The following PDE8A variants were observed in gnomAD, a reference collection of about 807,000 sequenced individuals.
PDE8A encodes the protein phosphodiesterase 8A, also known as high affinity cAMP-specific and IBMX-insensitive 3',5'-cyclic phosphodiesterase 8A.
A neutral mutation model predicts 105.0 loss-of-function variants in PDE8A; 59 were observed. The ratio of observed to expected loss-of-function variants is 0.56; its 90% confidence interval spans 0.46 to 0.70. The LOEUF (loss-of-function observed/expected upper bound fraction) is 0.70, where lower values mean the gene tolerates loss of function less well. PDE8A is among the 30% of genes least tolerant of loss of function. The pLI is 0.00. For synonymous variants in PDE8A, 355 were observed against 371.9 expected, an observed-to-expected ratio of 0.95 and a Z score of 0.52; for missense variants, 1,014 against 1,045.9, an observed-to-expected ratio of 0.97 and a Z score of 0.42.
At chr15:85,005,621 A>T (rs1311123142) in intron 1 of PDE8A, among the ~76,000 whole-genome samples, 6 of 152,158 alleles carry the variant, frequency 3.9e-5, no homozygotes, top group Non-Finnish European at 7.4e-5. Context: ...ATTGCTTAAG[A>T]AGCTAATTTG....
intron 1 of PDE8A, among the ~76,000 whole-genome samples, chr15:85,007,860 G>C (rs1024949408): frequency 6.6e-6 from 1 of 152,058 alleles, no homozygotes; most frequent in Non-Finnish European, 1.5e-5. Flanking sequence ...GAGAGCTCTT[G>C]GACATTCTGC....
intron 5 of PDE8A, among the ~76,000 whole-genome samples, chr15:85,082,679 T>C (rs1367514263): frequency 1.3e-5 from 2 of 152,240 alleles, no homozygotes; most frequent in Admixed American, 6.5e-5. Context: ...GCTCTGCCTC[T>C]TAGGCATCAG....
chr15:84,987,597 G>C (rs568303413), intron 1 of PDE8A, among the ~76,000 whole-genome samples: 98 of 150,596 alleles, frequency 6.5e-4, no homozygotes, highest in Non-Finnish European at 1.2e-3. Flanking sequence ...TTAGCCTCCC[G>C]AGTAGCTGGG....
intron 12 of PDE8A, among the ~76,000 whole-genome samples, chr15:85,112,270 G>T (rs1447989995): frequency 6.6e-6 from 1 of 152,052 alleles, no homozygotes; most frequent in African/African-American, 2.4e-5. Flanking sequence ...TAATTAACGT[G>T]TATTACCTCA....
At chr15:85,116,604 G>A (rs974865460) in intron 16 of PDE8A, among the ~76,000 whole-genome samples, 7 of 152,210 alleles carry the variant, frequency 4.6e-5, no homozygotes, top group Middle Eastern at 6.3e-3. Flanking sequence ...TTTGCCTTGA[G>A]TTTTTTCCCT....
intron 8 of PDE8A, among the ~76,000 whole-genome samples, chr15:85,097,443 T>C (rs1301432097): frequency 6.6e-6 from 1 of 152,172 alleles, no homozygotes; most frequent in Non-Finnish European, 1.5e-5. Flanking sequence ...GTCCTGGCTG[T>C]TATCTCATCC....
intron 1 of PDE8A, among the ~76,000 whole-genome samples, chr15:85,010,652 G>A (rs1158226102): frequency 6.6e-6 from 1 of 152,114 alleles, no homozygotes; most frequent in African/African-American, 2.4e-5. Context: ...ACACTCATTG[G>A]TATTTGTCAA....
chr15:85,113,920 G>A lies in PDE8A; in HGVS notation c.1233G>A (p.Val411=). ...NAAQESSPMP[V]TEALDRVLEI... is the part of the protein sequence containing the mutation. ...CCCAGGAAAGTAGTCCCATGCCTGT[G>A]ACAGAAGCCCTAGACCGTGTGCTGG... is the stretch of plus-strand genomic sequence containing the variant. Residue 411 remains valine (V), a synonymous_variant, in exon 14 of 22, where the codon GTG becomes GTA. Transcript: ENST00000394553. 6.2e-7 allele frequency: 1 copy of A among 1,613,636 alleles called. No homozygotes were observed. The highest frequency in any genetic ancestry group is 8.5e-7 in the Non-Finnish European group (1 of 1,179,520).
At chr15:85,108,525 A>G (rs1272333935) in intron 11 of PDE8A, among the ~76,000 whole-genome samples, 1 of 152,110 alleles carries the variant, frequency 6.6e-6, no homozygotes, top group Non-Finnish European at 1.5e-5. Flanking sequence ...AGCCTAGGAG[A>G]GTAGTGTGTC....
At chr15:85,022,039 C>G (rs191167906) in intron 1 of PDE8A, among the ~76,000 whole-genome samples, 3 of 152,268 alleles carry the variant, frequency 2.0e-5, no homozygotes, top group Admixed American at 6.5e-5. Flanking sequence ...AGACTATATA[C>G]AAATTCTCTT....
chr15:85,102,336 T>A (rs2081876563), intron 11 of PDE8A, among the ~76,000 whole-genome samples: 1 of 152,036 alleles, frequency 6.6e-6, no homozygotes, highest in Non-Finnish European at 1.5e-5. Context: ...CAGAGATGGA[T>A]AAAAACTTGT....
At chr15:84,989,666 T>C (rs2079855645) in intron 1 of PDE8A, among the ~76,000 whole-genome samples, 1 of 152,256 alleles carries the variant, frequency 6.6e-6, no homozygotes, top group Non-Finnish European at 1.5e-5. Context: ...ACCTGGGTTC[T>C]GGTAAGGATA....
At chr15:85,046,025 C>A (rs904255410) in intron 1 of PDE8A, among the ~76,000 whole-genome samples, 14 of 150,880 alleles carry the variant, frequency 9.3e-5, no homozygotes, top group African/African-American at 3.4e-4. Flanking sequence ...TTTTGTAGTT[C>A]CTAGGACTTA....
intron 1 of PDE8A, among the ~76,000 whole-genome samples, chr15:84,995,636 A>G (rs1482539215): frequency 1.3e-5 from 2 of 152,154 alleles, no homozygotes; most frequent in East Asian, 3.8e-4. Flanking sequence ...ACTTTTATAT[A>G]AGACTTCTTT....
intron 1 of PDE8A, among the ~76,000 whole-genome samples, chr15:84,984,458 T>G (rs567377760): frequency 1.2e-3 from 186 of 152,034 alleles, no homozygotes; most frequent in African/African-American, 4.3e-3. Context: ...AAAATTAGTT[T>G]CTTTGTATTA....
rs938878942 is a variant in PDE8A at position 85,099,906 on chromosome 15, G to A, written c.942-109G>A. On this transcript the variant is annotated intron_variant, in intron 9 of 21. Coordinates refer to ENST00000394553, the MANE Select transcript of PDE8A (RefSeq NM_002605.3). ...CAGTGAGAAGAAATGTTCTCAGAGC[G>A]TTTTGTGTATTGCAAAAGGGAGGTG... 84 of 808,900 alleles carry A rather than the reference G, an allele frequency of 1.0e-4. No individual in the cohort carries two copies. In the East Asian group the frequency reaches 1.7e-3, roughly 16 times the overall value. 50.1% of individuals were successfully genotyped at this position (808,900 alleles called of 1,614,324 possible).
intron 1 of PDE8A, among the ~76,000 whole-genome samples, chr15:85,003,540 T>A (rs1391830746): frequency 2.6e-5 from 4 of 152,202 alleles, no homozygotes; most frequent in South Asian, 4.1e-4. Context: ...TAGCTGTCCC[T>A]GCACTGGGGT....
chr15:85,017,129 C>T (rs371384043), intron 1 of PDE8A, among the ~76,000 whole-genome samples: 32 of 151,454 alleles, frequency 2.1e-4, no homozygotes, highest in South Asian at 1.0e-3. Context: ...GGCGCGGTGG[C>T]GGGCGCCTGT....
chr15:85,097,671 T>G, intron 8 of PDE8A: 3 of 306,434 alleles, frequency 9.8e-6, no homozygotes, highest in Non-Finnish European at 6.0e-6. Context: ...GGAGTGCCCT[T>G]TATTTGGGGG....
Sources: allele counts gnomAD v4.1 joint callset (sites outside exome capture counted in the v4.1 genomes callset), GRCh38; gene constraint gnomAD v4.1.1; transcripts MANE v1.5; gene names NCBI Gene and HGNC (gene_info 2026-07-23, HGNC 2026-07-21).